HNRNPUL2: variants seen among roughly 807,000 people sequenced by gnomAD.
HNRNPUL2 encodes the protein heterogeneous nuclear ribonucleoprotein U like 2, also known as heterogeneous nuclear ribonucleoprotein U-like protein 2.
Under a neutral mutation model 102.2 loss-of-function variants are expected in HNRNPUL2, and 27 were observed. The observed-to-expected ratio is 0.26, with a 90% CI of 0.19 to 0.36. The LOEUF is 0.36. HNRNPUL2 is among the 10% of genes least tolerant of loss of function. HNRNPUL2 has a pLI of 1.00. For synonymous variants in HNRNPUL2, 458 were observed against 387.2 expected, an observed-to-expected ratio of 1.18 and a Z score of -2.15; for missense variants, 936 against 981.1, an observed-to-expected ratio of 0.95 and a Z score of 0.61.
In HNRNPUL2 at chr11:62,726,897, T is replaced by C. The variant is rs2083756175; in HGVS notation, c.260A>G (p.Glu87Gly). Residue 87 changes from glutamate to glycine, a missense_variant, in exon 1 of 14, where the codon GAG becomes GGG. By Grantham distance (98) the Glu-to-Gly change is moderately conservative. This residue lies in a region of HNRNPUL2 where 327 missense variants were observed against 268.1 expected (regional missense o/e 1.22). Coordinates refer to ENST00000301785, the MANE Select transcript of HNRNPUL2 (RefSeq NM_001079559.3). Reference sequence around the variant, plus strand: ...CTCGTCCTCGTCCTCAAGCAGCGCCTCCTCGTCCTCCTCCTCCTCCTCTTC... The same window carrying C: ...CTCGTCCTCGTCCTCAAGCAGCGCCCCCTCGTCCTCCTCCTCCTCCTCTTC... Reference protein sequence around the residue: ...EDEEEEEEDEEALLEDEDEEP... With the variant: ...EDEEEEEEDEGALLEDEDEEP... 1 of 1,559,192 alleles carries C rather than the reference T, an allele frequency of 6.4e-7. No individual in the cohort carries two copies. Among genetic ancestry groups the C allele is most frequent in the Non-Finnish European group, 8.6e-7 (1 of 1,162,620 alleles).
Position 62,724,510 on chromosome 11 carries a change from T to C in HNRNPUL2, c.539-84A>G, listed in dbSNP as rs572922232. On this transcript the variant is annotated intron_variant, in intron 1 of 13. Coordinates refer to ENST00000301785, the MANE Select transcript of HNRNPUL2 (RefSeq NM_001079559.3). ...ACAACTAATAGACACTAACAGGGAA[T>C]CTGAGAATCTGTCTGATCAAAACAG... 46 of 1,467,400 alleles carry C rather than the reference T, an allele frequency of 3.1e-5. 1 individual carries two copies. The South Asian group carries it at 4.7e-4, about 15-fold the overall frequency. 90.9% of individuals were successfully genotyped at this position (1,467,400 alleles called of 1,614,324 possible).
At position 62,715,239 on chromosome 11, in the gene HNRNPUL2, G is replaced by T; in HGVS notation, c.*60C>A. The T allele has an allele frequency of 7.2e-7, 1 of 1,397,470 alleles. No homozygotes were observed. Among genetic ancestry groups the T allele is most frequent in the South Asian group, 1.2e-5 (1 of 83,562 alleles). The allele number at this position is 1,397,470 out of a possible 1,614,324, so 86.6% of individuals were successfully genotyped here. A position where few individuals can be genotyped will look rare whatever the true frequency, so the allele number is the denominator to read the frequency against. On this transcript the variant is annotated 3_prime_UTR_variant, in exon 14 of 14. Coordinates refer to ENST00000301785, the MANE Select transcript of HNRNPUL2 (RefSeq NM_001079559.3). ...TGTTTTCCTTGGTTGTGTTTTGCGG[G>T]GGTGCCTGGCACCCCCAGAGATTCA...
chr11:62,720,747 C>T (rs2083695515), intron 9 of HNRNPUL2, among the ~76,000 whole-genome samples: 1 of 151,186 alleles, frequency 6.6e-6, no homozygotes, highest in East Asian at 1.9e-4. Flanking sequence ...ACCTGTAGTC[C>T]CAGCTACTCG....
chr11:62,719,984 ATTCTG>A (rs2083688119), intron 10 of HNRNPUL2, 34 bp downstream of exon 10: 17 of 1,559,370 alleles, frequency 1.1e-5, no homozygotes, highest in Non-Finnish European at 1.4e-5. Context: ...AGTCTATGGT[ATTCTG>A]TTATAGCAGC....
In HNRNPUL2 at chr11:62,723,933, A is replaced by C; in HGVS notation, c.732T>G (p.Thr244=). ...EEAKDEEEDQ[T]LVNLDTYTSD... is the part of the protein sequence containing the mutation. ...ACATACACGTGTCCAGGTTCACAAG[A>C]GTTTGATCCTCCTCCTCATCTTTTG... The change falls in exon 3 of 14, where the codon ACT becomes ACG. Residue 244 remains threonine (T), a synonymous_variant. Transcript: ENST00000301785. 1 of 1,614,086 alleles carries C rather than the reference A, an allele frequency of 6.2e-7. No homozygotes were observed. Among genetic ancestry groups the C allele is most frequent in the Non-Finnish European group, 8.5e-7 (1 of 1,179,920 alleles).
In HNRNPUL2 at chr11:62,714,545, T is replaced by C. The variant is rs1256257433; in HGVS notation, c.*754A>G. ...CAATGGGTCTATAGAAGGGGCAGGCTATTCTGCTCTGCCATCAAGGACAGT... is the reference window on the plus strand; with the variant it reads ...CAATGGGTCTATAGAAGGGGCAGGCCATTCTGCTCTGCCATCAAGGACAGT... On this transcript the variant is annotated 3_prime_UTR_variant, in exon 14 of 14. Transcript: ENST00000301785. 6.6e-6 allele frequency: 1 copy of C among 152,184 alleles called. No homozygotes were observed. Among genetic ancestry groups the C allele is most frequent in the East Asian group, 1.9e-4 (1 of 5,196 alleles). 9.4% of individuals were successfully genotyped at this position (152,184 alleles called of 1,614,324 possible). A position where few individuals can be genotyped will look rare whatever the true frequency, so the allele number is the denominator to read the frequency against.
chr11:62,723,893 G>A, intron 3 of HNRNPUL2, 21 bp downstream of exon 3: 1 of 1,609,546 alleles, frequency 6.2e-7, no homozygotes, highest in Non-Finnish European at 8.5e-7. Context: ...AAAAACCACA[G>A]TCTGTCTGCC....
At position 62,722,564 on chromosome 11, in the gene HNRNPUL2, C is replaced by T. The variant is rs776207069; in HGVS notation, c.1095+37G>A. 7 of 1,549,784 alleles carry T rather than the reference C, an allele frequency of 4.5e-6. No individual in the cohort carries two copies. In the Admixed American group the frequency reaches 1.0e-4, roughly 22 times the overall value. ...GTGAATTCCCAGTGCCCTCTATCCG[C>T]TCCTTGTTATAACCCACAACTTTCA... is the stretch of plus-strand genomic sequence containing the variant. On this transcript the variant is annotated intron_variant, in intron 6 of 13. Coordinates refer to ENST00000301785, the MANE Select transcript of HNRNPUL2 (RefSeq NM_001079559.3).
chr11:62,724,664 T>TG (rs2083730687), intron 1 of HNRNPUL2, among the ~76,000 whole-genome samples: 1 of 152,210 alleles, frequency 6.6e-6, no homozygotes, highest in Non-Finnish European at 1.5e-5. Context: ...AGATAAAAAT[T>TG]GGACAATTTT....
chr11:62,720,832 C>CCA (rs1168985021), intron 9 of HNRNPUL2, among the ~76,000 whole-genome samples: 1 of 137,674 alleles, frequency 7.3e-6, no homozygotes, highest in Non-Finnish European at 1.5e-5. Context: ...CCACTGCACT[C>CCA]CAGCCTGGGC....
chr11:62,726,632 G>A lies in HNRNPUL2; in HGVS notation c.525C>T (p.Ala175=). 3.1e-6 allele frequency: 5 copies of A among 1,589,860 alleles called. No individual in the cohort carries two copies. Among genetic ancestry groups the A allele is most frequent in the Non-Finnish European group, 4.3e-6 (5 of 1,174,712 alleles). The part of the protein sequence containing the change: ...TPGSEVPGDK[A]AEEQGDDQDS... ...CCAGCTCCTCACCCTGTTCCTCGGC[G>A]GCCTTGTCACCCGGCACCTCGGATC... The change falls in exon 1 of 14, where the codon GCC becomes GCT. Residue 175 remains alanine (A), a synonymous_variant. Transcript: ENST00000301785.
intron 1 of HNRNPUL2, among the ~76,000 whole-genome samples, chr11:62,726,036 A>C (rs2083742702): frequency 6.6e-6 from 1 of 152,136 alleles, no homozygotes; most frequent in South Asian, 2.1e-4. Context: ...CTAGATTAAG[A>C]TTTTTCTCTT....
In HNRNPUL2 at chr11:62,717,144, G is replaced by T. The variant is rs1479487291; in HGVS notation, c.1826C>A (p.Thr609Lys). 6.2e-7 allele frequency: 1 copy of T among 1,614,112 alleles called. No homozygotes were observed. The highest frequency in any genetic ancestry group is 8.5e-7 in the Non-Finnish European group (1 of 1,180,032). The change falls in exon 11 of 14, where the codon ACA (threonine) becomes AAA (lysine). Residue 609 changes from threonine to lysine, a missense_variant. Thr to Lys is a moderately conservative substitution (Grantham distance 78). Coordinates refer to ENST00000301785, the MANE Select transcript of HNRNPUL2 (RefSeq NM_001079559.3). ...PEKCDYMDEV[T>K]YGELEKEEAQ... ...TTCCTCCTTCTCCAGCTCCCCATAT[G>T]TCACCTCATCCATATAGTCGCATTT...
Position 62,723,895 on chromosome 11 carries a change from C to A in HNRNPUL2, c.751+19G>T. On this transcript the variant is annotated intron_variant, in intron 3 of 13. Coordinates refer to ENST00000301785, the MANE Select transcript of HNRNPUL2 (RefSeq NM_001079559.3). ...TAGGAGATTAGTTAAAAACCACAGT[C>A]TGTCTGCCTTATACATACACGTGTC... 1 of 1,611,010 alleles carries A rather than the reference C, an allele frequency of 6.2e-7. No homozygotes were observed. The highest frequency in any genetic ancestry group is 1.1e-5 in the South Asian group (1 of 90,646).
chr11:62,726,288 GCTTAGCA>G, intron 1 of HNRNPUL2, among the ~76,000 whole-genome samples: 1 of 152,244 alleles, frequency 6.6e-6, no homozygotes, highest in East Asian at 1.9e-4. Context: ...ATCCCCAATT[GCTTAGCA>G]CTTTCTCAGC....
In HNRNPUL2 at chr11:62,726,714, C is replaced by A. The variant is rs1269332853; in HGVS notation, c.443G>T (p.Gly148Val). The change falls in exon 1 of 14, where the codon GGC becomes GTC. Residue 148 changes from glycine (G) to valine (V), a missense_variant. Around this residue, in one of 2 missense-constraint regions of HNRNPUL2, gnomAD observed 327 missense variants for 268.1 expected, o/e 1.22. Transcript: ENST00000301785. Reference protein sequence around the residue: ...SGGVNGGEEQGLGKREEDEPE... With the variant: ...SGGVNGGEEQVLGKREEDEPE... ...TTCGTCTTCCTCCCTCTTGCCGAGG[C>A]CCTGCTCTTCGCCACCATTTACCCC... is the stretch of plus-strand genomic sequence containing the variant. The A allele has an allele frequency of 2.5e-6, 4 of 1,600,692 alleles. No homozygotes were observed. The highest frequency in any genetic ancestry group is 3.4e-6 in the Non-Finnish European group (4 of 1,179,640).
intron 4 of HNRNPUL2, among the ~76,000 whole-genome samples, chr11:62,723,317 C>A (rs749857160): frequency 6.6e-5 from 10 of 152,116 alleles, no homozygotes; most frequent in Non-Finnish European, 1.3e-4. Flanking sequence ...CATGGAGAAA[C>A]CCCATCTCTA....
intron 7 of HNRNPUL2, 84 bp from the exon 8 acceptor site, chr11:62,722,026 C>G (rs765650153): frequency 8.7e-6 from 14 of 1,604,114 alleles, no homozygotes; most frequent in Non-Finnish European, 1.2e-5. Context: ...TCCTCCCATT[C>G]CTGTTTGGTA....
chr11:62,727,255 T>C lies in HNRNPUL2; in HGVS notation c.-99A>G. ...GCCGCCGCCGCCGCCCGCCTCCGCC[T>C]CACGCGCCAGCACTGAGCCCGCGCG... On this transcript the variant is annotated 5_prime_UTR_variant, in exon 1 of 14. Transcript: ENST00000301785. 1 of 1,274,042 alleles carries C rather than the reference T, an allele frequency of 7.8e-7. No individual in the cohort carries two copies. The highest frequency in any genetic ancestry group is 9.9e-7 in the Non-Finnish European group (1 of 1,006,500). 78.9% of individuals were successfully genotyped at this position (1,274,042 alleles called of 1,614,324 possible).
Sources: gnomAD v4.1 joint callset for allele counts (sites outside exome capture counted in the v4.1 genomes callset) on GRCh38, gnomAD v4.1.1 for gene constraint, gnomAD v4.1.1 regional missense constraint, MANE v1.5 for transcripts, NCBI Gene and HGNC (gene_info 2026-07-23, HGNC 2026-07-21) for gene names.